Variants in FBXL5 observed in about 807,000 individuals in gnomAD.
The protein encoded by FBXL5 is F-box and leucine rich repeat protein 5.
In FBXL5, 26 loss-of-function variants were observed where a neutral mutation model predicts 78.3. The observed-to-expected ratio is 0.33, with a 90% confidence interval of 0.24 to 0.46. The LOEUF is 0.46. Ranked by LOEUF, FBXL5 falls within the 20% of genes least tolerant of loss-of-function variation. The pLI is 1.00. For synonymous variants in FBXL5, 295 were observed against 282.5 expected, an observed-to-expected ratio of 1.04 and a Z score of -0.45; for missense variants, 710 against 829.2, an observed-to-expected ratio of 0.86 and a Z score of 1.77.
chr4:15,624,914 T>C (rs970414709), intron 9 of FBXL5, among the ~76,000 whole-genome samples: 2 of 152,188 alleles, frequency 1.3e-5, no homozygotes, highest in African/African-American at 4.8e-5. Context: ...CAACAGAATA[T>C]GCATATTTTC....
At chr4:15,672,854 ATGT>A (rs373294972) in intron 1 of FBXL5, among the ~76,000 whole-genome samples, 237 of 152,302 alleles carry the variant, frequency 1.6e-3, no homozygotes, top group African/African-American at 4.6e-3. Context: ...CTTAAAATAC[ATGT>A]TGTACAGCTG....
upstream of FBXL5, chr4:15,656,245 C>A (rs1166375405): frequency 1.3e-5 from 6 of 456,104 alleles, no homozygotes; most frequent in Non-Finnish European, 2.6e-5. Flanking sequence ...AAATGTCTGC[C>A]TCTTTCCCAT....
chr4:15,605,851 A>G (rs781573413), intron 10 of FBXL5, 52 bp from the exon 11 acceptor site: 1 of 1,436,054 alleles, frequency 7.0e-7, no homozygotes, highest in Non-Finnish European at 9.7e-7. Context: ...AGATCACATA[A>G]AAATAATTTT....
chr4:15,616,313 A>T (rs1370527698), intron 9 of FBXL5, among the ~76,000 whole-genome samples: 1 of 152,198 alleles, frequency 6.6e-6, no homozygotes, highest in Non-Finnish European at 1.5e-5. Flanking sequence ...CATACAGGTC[A>T]CCCGGGAAGT....
At chr4:15,626,667 G>C (rs1713096738) in intron 8 of FBXL5, among the ~76,000 whole-genome samples, 1 of 152,218 alleles carries the variant, frequency 6.6e-6, no homozygotes, top group Non-Finnish European at 1.5e-5. Flanking sequence ...TAGGACTACA[G>C]AGATTGCAAG....
intron 1 of FBXL5, among the ~76,000 whole-genome samples, chr4:15,665,977 T>C (rs1415795143): frequency 6.6e-6 from 1 of 151,806 alleles, no homozygotes; most frequent in Admixed American, 6.6e-5. Flanking sequence ...TGAGGCCAAA[T>C]GCATACAAAC....
At chr4:15,681,555 C>T (rs1718276260), upstream of FBXL5, 1 of 154,352 alleles carries the variant, frequency 6.5e-6, no homozygotes, top group Admixed American at 6.5e-5. Flanking sequence ...GCGGTGTCTC[C>T]TAGGGTTTCT....
chr4:15,662,579 A>G (rs1717363229), upstream of FBXL5, among the ~76,000 whole-genome samples: 1 of 152,350 alleles, frequency 6.6e-6, no homozygotes, highest in Middle Eastern at 3.4e-3. Context: ...AAGCTTAGAA[A>G]TCACTGGTAA....
At chr4:15,659,026 C>G (rs1413904622), upstream of FBXL5, among the ~76,000 whole-genome samples, 1 of 152,206 alleles carries the variant, frequency 6.6e-6, no homozygotes. Context: ...CATCCTTAAT[C>G]AGCTGCAGTG....
chr4:15,671,430 T>C (rs1361762124), intron 1 of FBXL5, among the ~76,000 whole-genome samples: 1 of 151,932 alleles, frequency 6.6e-6, no homozygotes, highest in African/African-American at 2.4e-5. Context: ...TTGATTATGG[T>C]GTACTCTGGT....
intron 8 of FBXL5, 41 bp downstream of exon 8, chr4:15,626,827 TATAAA>T (rs1357829192): frequency 1.5e-6 from 2 of 1,334,008 alleles, no homozygotes; most frequent in African/African-American, 3.3e-5. Flanking sequence ...AATGAAACCT[TATAAA>T]ATAGTTTTTC....
At chr4:15,626,804 C>T in intron 8 of FBXL5, 69 bp downstream of exon 8, 2 of 1,098,350 alleles carry the variant, frequency 1.8e-6, no homozygotes, top group South Asian at 1.5e-5. Flanking sequence ...TATGATTAAA[C>T]TGCAATTACA....
chr4:15,613,496 T>G (rs1722409738), intron 9 of FBXL5, among the ~76,000 whole-genome samples: 1 of 152,144 alleles, frequency 6.6e-6, no homozygotes, highest in African/African-American at 2.4e-5. Context: ...AAGTTTTCCT[T>G]GATTATTCCC....
intron 1 of FBXL5, 57 bp downstream of exon 1, chr4:15,655,147 G>C (rs1184012775): frequency 7.7e-7 from 1 of 1,298,212 alleles, no homozygotes; most frequent in African/African-American, 1.7e-5. Context: ...CAAGAACCCA[G>C]CCCGCTCCCC....
At chr4:15,658,790 T>G (rs578252838), upstream of FBXL5, among the ~76,000 whole-genome samples, 1 of 152,322 alleles carries the variant, frequency 6.6e-6, no homozygotes, top group African/African-American at 2.4e-5. Context: ...TTAATCTACT[T>G]TCTCGATAGC....
At chr4:15,617,470 C>T (rs1712014470) in intron 9 of FBXL5, among the ~76,000 whole-genome samples, 1 of 151,462 alleles carries the variant, frequency 6.6e-6, no homozygotes, top group African/African-American at 2.4e-5. Context: ...ATCACCTGAA[C>T]CTGTGAGGTG....
rs200927708 is a variant in FBXL5, at chr4:15,655,258, G to C, written c.30C>G (p.Val10=). MAPFPEEVD[V]FTAPHWRMKQ... is the part of the protein sequence containing the mutation. ...TCATCCGCCAGTGTGGGGCGGTGAA[G>C]ACGTCCACTTCTTCAGGAAAGGGCG... The change falls in exon 1 of 11, where the codon GTC becomes GTG. Residue 10 remains valine (V), a synonymous_variant. Transcript: ENST00000341285. 6.9e-7 allele frequency: 1 copy of C among 1,443,794 alleles called. No individual in the cohort carries two copies. The highest frequency in any genetic ancestry group is 1.3e-5 in the South Asian group (1 of 78,456). The allele number at this position is 1,443,794 out of a possible 1,614,324, so 89.4% of individuals were successfully genotyped here. A position where few individuals can be genotyped will look rare whatever the true frequency, so the allele number is the denominator to read the frequency against.
At chr4:15,616,862 G>C (rs1236165500) in intron 9 of FBXL5, among the ~76,000 whole-genome samples, 1 of 152,192 alleles carries the variant, frequency 6.6e-6, no homozygotes, top group Non-Finnish European at 1.5e-5. Context: ...TTCAGAGGCA[G>C]ACATTTCCCT....
intron 6 of FBXL5, 108 bp downstream of exon 6, chr4:15,630,558 T>G: frequency 9.3e-7 from 1 of 1,069,846 alleles, no homozygotes; most frequent in Non-Finnish European, 1.3e-6. Context: ...GAAACACCAG[T>G]TTCTTTAGAA....
Sources: gnomAD v4.1 joint callset for allele counts (sites outside exome capture counted in the v4.1 genomes callset) on GRCh38, gnomAD v4.1.1 for gene constraint, MANE v1.5 for transcripts, NCBI Gene and HGNC (gene_info 2026-07-23, HGNC 2026-07-21) for gene names.